Variants in AGBL4 observed in about 807,000 individuals in gnomAD.
The protein encoded by AGBL4 is cytosolic carboxypeptidase 6.
A neutral mutation model predicts 66.4 loss-of-function variants in AGBL4; 58 were observed. The ratio of observed to expected loss-of-function variants is 0.87; its 90% CI spans 0.71 to 1.09. The LOEUF (loss-of-function observed/expected upper bound fraction) is 1.09. Among genes scored for constraint, AGBL4 ranks in the 50% least tolerant of loss-of-function variants. The pLI is 0.00. For synonymous variants in AGBL4, 234 were observed against 222.9 expected (o/e 1.05, Z -0.44); for missense variants, 579 against 631.0 (o/e 0.92, Z 0.88).
chr1:49,985,744 CT>C (rs1310561021), intron 1 of AGBL4, among the ~76,000 whole-genome samples: 1 of 152,110 alleles, frequency 6.6e-6, no homozygotes, highest in Admixed American at 6.5e-5. Context: ...GTAATGACCC[CT>C]AATCTTTGAT....
intron 3 of AGBL4, among the ~76,000 whole-genome samples, chr1:49,482,868 T>A (rs1646985459): frequency 6.6e-6 from 1 of 152,134 alleles, no homozygotes; most frequent in Admixed American, 6.5e-5. Context: ...CTATTTTAAT[T>A]TCATTATTTA....
At chr1:48,758,812 C>T (rs74724453) in intron 6 of AGBL4, 1 of 1,244,648 alleles carries the variant, frequency 8.0e-7, no homozygotes. Context: ...GGCACTTGGT[C>T]TCCCTCTCCC....
chr1:49,627,685 A>G (rs753311839), intron 3 of AGBL4, among the ~76,000 whole-genome samples: 1 of 152,072 alleles, frequency 6.6e-6, no homozygotes, highest in Non-Finnish European at 1.5e-5. Context: ...GGTACCATAT[A>G]TTTTTTGCTT....
At chr1:49,569,907 A>T (rs1291655181) in intron 3 of AGBL4, among the ~76,000 whole-genome samples, 1 of 152,144 alleles carries the variant, frequency 6.6e-6, no homozygotes, top group Admixed American at 6.6e-5. Flanking sequence ...GCAGCAAAAG[A>T]CATGATTTCA....
chr1:50,010,670 T>C (rs1203269909), intron 1 of AGBL4, among the ~76,000 whole-genome samples: 1 of 152,038 alleles, frequency 6.6e-6, no homozygotes, highest in African/African-American at 2.4e-5. Flanking sequence ...TCCACACACA[T>C]ACAATGAAAT....
At chr1:49,931,869 T>C (rs1653397014) in intron 1 of AGBL4, among the ~76,000 whole-genome samples, 1 of 152,158 alleles carries the variant, frequency 6.6e-6, no homozygotes, top group African/African-American at 2.4e-5. Flanking sequence ...TCCAGATATA[T>C]TATGAATTCA....
intron 3 of AGBL4, among the ~76,000 whole-genome samples, chr1:49,459,897 C>A (rs1646474009): frequency 6.6e-6 from 1 of 151,388 alleles, no homozygotes; most frequent in African/African-American, 2.4e-5. Context: ...TTTAAATTTC[C>A]ATCTTGATTT....
chr1:49,104,516 T>C (rs759241453), intron 4 of AGBL4, among the ~76,000 whole-genome samples: 15 of 152,212 alleles, frequency 9.9e-5, no homozygotes, highest in Non-Finnish European at 2.1e-4. Context: ...ACTTCTTGGA[T>C]TACTTATTTC....
At chr1:49,549,519 C>T (rs563563614) in intron 3 of AGBL4, among the ~76,000 whole-genome samples, 1 of 152,146 alleles carries the variant, frequency 6.6e-6, no homozygotes, top group African/African-American at 2.4e-5. Flanking sequence ...TTAATCTCCA[C>T]CTTGATTTTG....
intron 2 of AGBL4, among the ~76,000 whole-genome samples, chr1:49,849,514 T>G (rs1303949503): frequency 6.7e-6 from 1 of 150,298 alleles, no homozygotes; most frequent in Non-Finnish European, 1.5e-5. Context: ...CACACATACA[T>G]ACATTAAGAT....
chr1:49,400,717 A>G (rs1231973490), intron 3 of AGBL4, among the ~76,000 whole-genome samples: 1 of 152,132 alleles, frequency 6.6e-6, no homozygotes, highest in Non-Finnish European at 1.5e-5. Flanking sequence ...TTGATTTTTT[A>G]TCCTGCAACT....
intron 3 of AGBL4, among the ~76,000 whole-genome samples, chr1:49,554,458 C>A (rs1024850439): frequency 1.3e-5 from 2 of 152,054 alleles, no homozygotes; most frequent in African/African-American, 4.8e-5. Context: ...CAATTGAAAC[C>A]ATTTTTTTAG....
intron 3 of AGBL4, among the ~76,000 whole-genome samples, chr1:49,381,614 A>G (rs1644612092): frequency 6.6e-6 from 1 of 152,174 alleles, no homozygotes; most frequent in Non-Finnish European, 1.5e-5. Flanking sequence ...TAACAGTATT[A>G]GACTGGATTA....
chr1:49,004,988 TA>T (rs1661671521), intron 5 of AGBL4, among the ~76,000 whole-genome samples: 2 of 152,254 alleles, frequency 1.3e-5, no homozygotes, highest in South Asian at 4.1e-4. Flanking sequence ...GCAGTCCAAA[TA>T]ACTTCTTATG....
intron 3 of AGBL4, among the ~76,000 whole-genome samples, chr1:49,438,471 G>A (rs931387456): frequency 9.9e-5 from 15 of 152,166 alleles, no homozygotes; most frequent in African/African-American, 3.1e-4. Context: ...GGAAGAAAAA[G>A]CTGGTTACAA....
intron 6 of AGBL4, among the ~76,000 whole-genome samples, chr1:48,797,092 G>T (rs1645695541): frequency 6.6e-6 from 1 of 152,090 alleles, no homozygotes; most frequent in Non-Finnish European, 1.5e-5. Context: ...GAAGTTTGAT[G>T]GTGTAGAGAA....
Position 49,142,885 on chromosome 1 carries a change from T to C in AGBL4, c.378-97085A>G, listed in dbSNP as rs139330490. On this transcript the variant is annotated intron_variant, in intron 4 of 13. Coordinates refer to ENST00000371839, the MANE Select transcript of AGBL4 (RefSeq NM_032785.4). Reference sequence around the variant, plus strand: ...CTTGTACAATGGGCAAGTCAGATATTATTCCCATTTTATAGGTGAAGGAAC... The same window carrying C: ...CTTGTACAATGGGCAAGTCAGATATCATTCCCATTTTATAGGTGAAGGAAC... Among the ~76,000 whole-genome samples the C allele has an allele frequency of 5.2e-3, 796 of 152,326 alleles. 6 individuals are homozygous for C. The highest frequency in any genetic ancestry group is 0.017 in the Middle Eastern group (5 of 294).
At chr1:49,730,586 G>C (rs1440031432) in intron 2 of AGBL4, among the ~76,000 whole-genome samples, 2 of 152,152 alleles carry the variant, frequency 1.3e-5, no homozygotes, top group Non-Finnish European at 2.9e-5. Flanking sequence ...GCAGTTGCTG[G>C]TATCTCTGAG....
At chr1:48,754,996 C>T (rs776899897) in intron 6 of AGBL4, among the ~76,000 whole-genome samples, 1 of 152,196 alleles carries the variant, frequency 6.6e-6, no homozygotes, top group Non-Finnish European at 1.5e-5. Flanking sequence ...TCTTTCACAA[C>T]TCCATGCCTC....
Sources: gnomAD v4.1 joint callset for allele counts (sites outside exome capture counted in the v4.1 genomes callset) on GRCh38, gnomAD v4.1.1 for gene constraint, MANE v1.5 for transcripts, NCBI Gene and HGNC (gene_info 2026-07-23, HGNC 2026-07-21) for gene names.